The following SCFD2 variants were observed in gnomAD, a reference collection of about 807,000 sequenced individuals.
The protein encoded by SCFD2 is sec1 family domain-containing protein 2.
In SCFD2, 54 loss-of-function variants were observed where a neutral mutation model predicts 58.9. The ratio of observed to expected loss-of-function variants is 0.92; its 90% CI spans 0.74 to 1.15. SCFD2 has a LOEUF of 1.15. Ranked by LOEUF, SCFD2 falls within the 50% of genes most tolerant of loss-of-function variation. The probability of loss-of-function intolerance (pLI) is 0.00; values close to 1 mark genes in which losing one functional copy is unlikely to be tolerated. For missense variants in SCFD2, 805 were observed against 836.6 expected, an observed-to-expected ratio of 0.96 and a Z score of 0.47; for synonymous variants, 321 against 335.9, an observed-to-expected ratio of 0.96 and a Z score of 0.49.
chr4:52,974,177 A>C (rs1486396580), intron 5 of SCFD2, among the ~76,000 whole-genome samples: 1 of 152,210 alleles, frequency 6.6e-6, no homozygotes, highest in Non-Finnish European at 1.5e-5. Flanking sequence ...CAGGGCAATC[A>C]GGAAGGAGAA....
At chr4:53,345,874 A>C (rs1734041408) in intron 2 of SCFD2, among the ~76,000 whole-genome samples, 1 of 152,084 alleles carries the variant, frequency 6.6e-6, no homozygotes, top group Non-Finnish European at 1.5e-5. Context: ...ACATGTTTTC[A>C]CTCATAGGTG....
chr4:53,251,852 C>T (rs1179233801), intron 4 of SCFD2, among the ~76,000 whole-genome samples: 2 of 151,390 alleles, frequency 1.3e-5, no homozygotes, highest in Non-Finnish European at 1.5e-5. Flanking sequence ...CTCACCACTC[C>T]TATTCAACAC....
At chr4:53,148,842 C>T (rs1726418516) in intron 4 of SCFD2, among the ~76,000 whole-genome samples, 1 of 152,148 alleles carries the variant, frequency 6.6e-6, no homozygotes. Context: ...AGACTCCTGT[C>T]TCTACATAAA....
At chr4:53,191,306 A>G (rs1415923462) in intron 4 of SCFD2, among the ~76,000 whole-genome samples, 1 of 152,144 alleles carries the variant, frequency 6.6e-6, no homozygotes, top group African/African-American at 2.4e-5. Flanking sequence ...CTCTATCTCA[A>G]AAAATAAGAA....
At chr4:52,906,690 T>C (rs1293204014) in intron 7 of SCFD2, among the ~76,000 whole-genome samples, 1 of 152,184 alleles carries the variant, frequency 6.6e-6, no homozygotes, top group South Asian at 2.1e-4. Flanking sequence ...TCCTGGAATA[T>C]GCATTTATTG....
intron 4 of SCFD2, among the ~76,000 whole-genome samples, chr4:53,250,869 G>C (rs1255160850): frequency 2.0e-5 from 3 of 152,144 alleles, no homozygotes; most frequent in Non-Finnish European, 2.9e-5. Flanking sequence ...TCAAAAGCTA[G>C]CAGAAGGCAA....
chr4:53,058,024 T>G (rs1334740659), intron 5 of SCFD2, among the ~76,000 whole-genome samples: 1 of 152,242 alleles, frequency 6.6e-6, no homozygotes, highest in Non-Finnish European at 1.5e-5. Flanking sequence ...CTCCCCTTCA[T>G]CCTCGGCAAC....
intron 5 of SCFD2, among the ~76,000 whole-genome samples, chr4:53,068,898 T>G (rs1200529854): frequency 6.6e-6 from 1 of 152,068 alleles, no homozygotes; most frequent in Admixed American, 6.6e-5. Flanking sequence ...TAGACGGATG[T>G]GCACAGTCCA....
At chr4:53,022,308 C>T (rs1200123989) in intron 5 of SCFD2, among the ~76,000 whole-genome samples, 15 of 152,168 alleles carry the variant, frequency 9.9e-5, no homozygotes, top group Non-Finnish European at 1.5e-5. Context: ...TCTTTCTATT[C>T]CCCTCCACCT....
chr4:53,229,200 G>A (rs1230416104), intron 4 of SCFD2, among the ~76,000 whole-genome samples: 1 of 152,104 alleles, frequency 6.6e-6, no homozygotes, highest in Non-Finnish European at 1.5e-5. Flanking sequence ...ACTGCCCAAG[G>A]TAATTTACAG....
At chr4:53,068,673 C>T (rs560474725) in intron 5 of SCFD2, among the ~76,000 whole-genome samples, 3 of 152,062 alleles carry the variant, frequency 2.0e-5, no homozygotes, top group South Asian at 4.2e-4. Context: ...TATTCTTCAG[C>T]CTTATTTTTA....
At position 52,904,324 on chromosome 4, in the gene SCFD2, TTGTGTCTTTC is replaced by T. The variant is rs1719295252; in HGVS notation, c.1842+3123_1842+3132del. Reference sequence around the variant, plus strand: ...ACTTTATTCACCAGGCTTTGCCTTTTTGTGTCTTTCTGGCTCAGCACTGGTGGGTCTTCAG... The same window carrying T: ...ACTTTATTCACCAGGCTTTGCCTTTTTGGCTCAGCACTGGTGGGTCTTCAG... On this transcript the variant is annotated intron_variant, in intron 7 of 8. Transcript: ENST00000401642. Among the ~76,000 whole-genome samples, 7 of 152,240 alleles carry T rather than the reference TTGTGTCTTTC, an allele frequency of 4.6e-5. 1 individual carries two copies. The highest frequency in any genetic ancestry group is 2.6e-4 in the Admixed American group (4 of 15,290).
chr4:53,060,077 T>C (rs1400432883), intron 5 of SCFD2, among the ~76,000 whole-genome samples: 1 of 152,094 alleles, frequency 6.6e-6, no homozygotes, highest in African/African-American at 2.4e-5. Flanking sequence ...GAAAAATGAT[T>C]CTCTCAAATG....
intron 5 of SCFD2, among the ~76,000 whole-genome samples, chr4:53,074,509 A>T (rs1321567415): frequency 2.0e-5 from 3 of 152,194 alleles, no homozygotes; most frequent in African/African-American, 7.2e-5. Context: ...TACTTTGCCC[A>T]GATCCATCAG....
At chr4:53,198,327 C>T (rs2148964648) in intron 4 of SCFD2, among the ~76,000 whole-genome samples, 1 of 151,990 alleles carries the variant, frequency 6.6e-6, no homozygotes, top group African/African-American at 2.4e-5. Context: ...TGTTTTCTGC[C>T]TGCTGGCTTT....
At chr4:53,328,903 C>T (rs976198809) in intron 2 of SCFD2, among the ~76,000 whole-genome samples, 3 of 152,210 alleles carry the variant, frequency 2.0e-5, no homozygotes, top group Non-Finnish European at 2.9e-5. Flanking sequence ...ATGCGCGAGC[C>T]GAAGCAGGGC....
intron 4 of SCFD2, among the ~76,000 whole-genome samples, chr4:53,152,800 G>A (rs1726549913): frequency 6.6e-6 from 1 of 152,158 alleles, no homozygotes; most frequent in African/African-American, 2.4e-5. Flanking sequence ...ATAGAAATTG[G>A]GTAGATGTTC....
chr4:53,265,849 C>T (rs540949939), intron 4 of SCFD2, among the ~76,000 whole-genome samples: 40 of 152,218 alleles, frequency 2.6e-4, no homozygotes, highest in Non-Finnish European at 4.9e-4. Flanking sequence ...AAGTGATCCT[C>T]CTGCCTCAGC....
intron 5 of SCFD2, chr4:52,956,146 G>T (rs1289541600): frequency 8.8e-6 from 4 of 456,526 alleles, no homozygotes; most frequent in Non-Finnish European, 1.8e-5. Flanking sequence ...CTCTAAATCT[G>T]GAAGAAGCCC....
Sources: gnomAD v4.1 joint callset for allele counts (sites outside exome capture counted in the v4.1 genomes callset) on GRCh38, gnomAD v4.1.1 for gene constraint, MANE v1.5 for transcripts, NCBI Gene and HGNC (gene_info 2026-07-23, HGNC 2026-07-21) for gene names.